Variants in POLA1 observed in about 807,000 individuals in gnomAD.
The protein encoded by POLA1 is DNA polymerase alpha 1, catalytic subunit, also known as DNA polymerase alpha catalytic subunit.
A neutral mutation model predicts 124.0 loss-of-function variants in POLA1; 15 were observed. The observed-to-expected ratio is 0.12, with a 90% CI of 0.08 to 0.19. POLA1 has a LOEUF of 0.19. Among genes scored for constraint, POLA1 ranks in the 10% least tolerant of loss-of-function variants. POLA1 has a pLI of 1.00. For synonymous variants in POLA1, 408 were observed against 389.4 expected (o/e 1.05, Z -0.56); for missense variants, 886 against 1,103.4 (o/e 0.80, Z 2.79).
intron 36 of POLA1, among the ~76,000 whole-genome samples, chrX:24,980,976 G>A (rs182120163): frequency 8.9e-6 from 1 of 112,079 alleles, no homozygotes; most frequent in Admixed American, 9.4e-5. Flanking sequence ...GCTCCTGGCT[G>A]TGTAGCCTTT....
chrX:24,810,079 CT>C (rs2045873238), intron 27 of POLA1, 149 bp downstream of exon 27: 1 of 413,445 alleles, frequency 2.4e-6, no homozygotes, highest in Non-Finnish European at 4.2e-6. Flanking sequence ...TGGATTACAG[CT>C]TTTTTCTTTT....
At chrX:24,928,043 C>T (rs1358818547) in intron 35 of POLA1, among the ~76,000 whole-genome samples, 1 of 112,096 alleles carries the variant, frequency 8.9e-6, no homozygotes. Context: ...TTTTTTAAAA[C>T]CACTTAATTG....
At chrX:24,903,318 T>A (rs941908149) in intron 35 of POLA1, among the ~76,000 whole-genome samples, 1 of 112,940 alleles carries the variant, frequency 8.9e-6, no homozygotes, top group African/African-American at 3.2e-5. Context: ...GCACCTTAAC[T>A]GTCTCCCTGC....
chrX:24,833,353 A>G (rs1186871686), intron 32 of POLA1, among the ~76,000 whole-genome samples: 7 of 111,650 alleles, frequency 6.3e-5, no homozygotes, highest in African/African-American at 2.0e-4. Flanking sequence ...TTGTGCTGCT[A>G]TAAACATGCA....
intron 36 of POLA1, among the ~76,000 whole-genome samples, chrX:24,974,061 A>G (rs780207942): frequency 2.0e-5 from 2 of 101,849 alleles, no homozygotes; most frequent in African/African-American, 8.4e-5. Flanking sequence ...AAATGACAGG[A>G]AAAAAAAAAT....
At chrX:24,694,866 C>T (rs1927868014) in intron 1 of POLA1, among the ~76,000 whole-genome samples, 1 of 112,241 alleles carries the variant, frequency 8.9e-6, no homozygotes, top group South Asian at 3.7e-4. Context: ...GCTTCCTTTG[C>T]ATTCACCTAG....
intron 35 of POLA1, among the ~76,000 whole-genome samples, chrX:24,925,202 C>A (rs1176975520): frequency 9.0e-6 from 1 of 111,600 alleles, no homozygotes; most frequent in Non-Finnish European, 1.9e-5. Context: ...TTTGGGGGTA[C>A]GTTTTGGGTT....
chrX:24,819,456 C>T (rs1259013212), intron 30 of POLA1, among the ~76,000 whole-genome samples: 1 of 109,857 alleles, frequency 9.1e-6, no homozygotes, highest in East Asian at 2.8e-4. Context: ...AGTAGTTTGC[C>T]CATTATTCTT....
intron 26 of POLA1, among the ~76,000 whole-genome samples, chrX:24,806,053 G>GGTTTTTTTTTTTTTTTTT (rs2045791856): frequency 2.8e-5 from 1 of 35,286 alleles, no homozygotes; most frequent in Non-Finnish European, 4.7e-5. Flanking sequence ...GTGGTATGAG[G>GGTTTTTTTTTTTTTTTTT]TTTTTTTTTT....
intron 26 of POLA1, among the ~76,000 whole-genome samples, chrX:24,803,056 G>A (rs1346820740): frequency 8.9e-6 from 1 of 111,881 alleles, no homozygotes; most frequent in Non-Finnish European, 1.9e-5. Flanking sequence ...CTTGGTTCTG[G>A]TTGAAGGTTT....
At chrX:24,846,609 ATG>A (rs955235934) in intron 34 of POLA1, among the ~76,000 whole-genome samples, 1 of 111,876 alleles carries the variant, frequency 8.9e-6, no homozygotes, top group African/African-American at 3.3e-5. Context: ...AAAAATTGAT[ATG>A]TGTTCCCCCT....
At chrX:24,880,029 G>C (rs1034104928) in intron 34 of POLA1, among the ~76,000 whole-genome samples, 2 of 111,455 alleles carry the variant, frequency 1.8e-5, no homozygotes, top group African/African-American at 6.5e-5. Flanking sequence ...AAATAGCAAG[G>C]CTCTGTATTG....
At chrX:24,717,003 T>C (rs980891081) in intron 8 of POLA1, 32 bp downstream of exon 8, 23 of 967,032 alleles carry the variant, frequency 2.4e-5, no homozygotes, top group Admixed American at 9.8e-5. Context: ...ATTGCAAGAG[T>C]GTTGAGTGGT....
intron 34 of POLA1, among the ~76,000 whole-genome samples, chrX:24,872,591 G>A (rs753318397): frequency 5.4e-5 from 6 of 111,395 alleles, no homozygotes; most frequent in South Asian, 3.7e-4. Flanking sequence ...CAGTCCTACC[G>A]GTTTTTACAA....
At chrX:24,915,541 T>C (rs762922804) in intron 35 of POLA1, among the ~76,000 whole-genome samples, 2 of 111,946 alleles carry the variant, frequency 1.8e-5, no homozygotes, top group South Asian at 3.8e-4. Flanking sequence ...TATAAAAGTT[T>C]ATCTAAAAGA....
intron 34 of POLA1, among the ~76,000 whole-genome samples, chrX:24,879,496 G>T (rs2046976756): frequency 8.9e-6 from 1 of 112,206 alleles, no homozygotes; most frequent in Non-Finnish European, 1.9e-5. Flanking sequence ...TGAAAGCAGG[G>T]TGGCTAGAAA....
chrX:24,728,638 C>T (rs1327219533), intron 15 of POLA1, among the ~76,000 whole-genome samples: 6 of 111,574 alleles, frequency 5.4e-5, no homozygotes, highest in African/African-American at 1.3e-4. Flanking sequence ...TAGAATATCC[C>T]GTTTTCTCTA....
intron 35 of POLA1, among the ~76,000 whole-genome samples, chrX:24,917,484 A>G (rs917737860): frequency 1.3e-4 from 15 of 111,872 alleles, no homozygotes; most frequent in Non-Finnish European, 2.8e-4. Context: ...ATTTGAAAAT[A>G]TACCTACAAT....
At chrX:24,983,804 T>C (rs765062551) in intron 36 of POLA1, among the ~76,000 whole-genome samples, 4 of 86,900 alleles carry the variant, frequency 4.6e-5, no homozygotes, top group African/African-American at 1.3e-4. Context: ...CGTCCTGTCT[T>C]AATATGGGAG....
Sources: allele counts gnomAD v4.1 joint callset (sites outside exome capture counted in the v4.1 genomes callset), GRCh38; gene constraint gnomAD v4.1.1; transcripts MANE v1.5; gene names NCBI Gene and HGNC (gene_info 2026-07-23, HGNC 2026-07-21).